The following TXNL4A variants were observed in gnomAD, a reference collection of about 807,000 sequenced individuals.
TXNL4A encodes the protein thioredoxin-like protein 4A.
A neutral mutation model predicts 14.6 loss-of-function variants in TXNL4A; 17 were observed. The observed-to-expected ratio is 1.16, with a 90% CI of 0.80 to 1.74. The LOEUF (loss-of-function observed/expected upper bound fraction) is 1.74. Among genes scored for constraint, TXNL4A ranks in the 40% most tolerant of loss-of-function variants. TXNL4A has a pLI of 0.00. For missense variants in TXNL4A, 74 were observed against 195.2 expected (o/e 0.38, Z 3.70); for synonymous variants, 83 against 70.6 (o/e 1.18, Z -0.88).
At chr18:80,027,962 C>G (rs947265945) in intron 1 of TXNL4A, among the ~76,000 whole-genome samples, 1 of 152,206 alleles carries the variant, frequency 6.6e-6, no homozygotes, top group Non-Finnish European at 1.5e-5. Flanking sequence ...CTTTATGACT[C>G]AAACTCTGTA....
rs2051589447 is a variant in TXNL4A at position 79,988,383 on chromosome 18, T to G, written c.10A>C (p.Met4Leu). MSYMLPHLHNGWQV... is the reference protein window; with the variant it reads MSYLLPHLHNGWQV... ...CAGCCGTTGTGCAGGTGCGGGAGCATGTACGACATGGCGGCCCGCGCGCTC... is the reference window on the plus strand; with the variant it reads ...CAGCCGTTGTGCAGGTGCGGGAGCAGGTACGACATGGCGGCCCGCGCGCTC... Residue 4 changes from methionine to leucine, a missense_variant, in exon 1 of 3, where the codon ATG becomes CTG. Coordinates refer to ENST00000269601, the MANE Select transcript of TXNL4A (RefSeq NM_006701.5). The G allele has an allele frequency of 6.7e-7, 1 of 1,497,370 alleles. No homozygotes were observed. Among genetic ancestry groups the G allele is most frequent in the Non-Finnish European group, 9.0e-7 (1 of 1,110,358 alleles). 92.8% of individuals were successfully genotyped at this position (1,497,370 alleles called of 1,614,324 possible). A position where few individuals can be genotyped will look rare whatever the true frequency, so the allele number is the denominator to read the frequency against.
intron 1 of TXNL4A, among the ~76,000 whole-genome samples, chr18:80,014,481 C>G (rs191152195): frequency 6.6e-6 from 1 of 152,302 alleles, no homozygotes; most frequent in East Asian, 1.9e-4. Flanking sequence ...TATTAAGGCT[C>G]CAAAATGATC....
intron 1 of TXNL4A, among the ~76,000 whole-genome samples, chr18:80,023,692 A>C (rs1239548060): frequency 6.6e-6 from 1 of 152,246 alleles, no homozygotes; most frequent in Non-Finnish European, 1.5e-5. Flanking sequence ...TGAGGGATAG[A>C]AGGGACCTTA....
chr18:80,033,019 C>T (rs1257987034), intron 1 of TXNL4A, among the ~76,000 whole-genome samples: 2 of 69,546 alleles, frequency 2.9e-5, no homozygotes, highest in Admixed American at 4.0e-4. Flanking sequence ...TCTCAATACT[C>T]CGCCCTTTCC....
At chr18:79,988,150 A>C in intron 1 of TXNL4A, 90 bp downstream of exon 1, 1 of 1,310,774 alleles carries the variant, frequency 7.6e-7, no homozygotes, top group East Asian at 3.0e-5. Flanking sequence ...CTCGGGGAAC[A>C]GCTCGCGCCC....
chr18:79,982,644 G>A lies in TXNL4A; in HGVS notation c.154-4943C>T, dbSNP rs924304188. Among the ~76,000 whole-genome samples, 2 of 152,204 alleles carry A rather than the reference G, an allele frequency of 1.3e-5. No homozygotes were observed. On this transcript the variant is annotated intron_variant, in intron 1 of 2. Coordinates refer to ENST00000269601, the MANE Select transcript of TXNL4A (RefSeq NM_006701.5). The surrounding 1 kb of genome is among the most constrained non-coding windows in gnomAD (Gnocchi z 4.0). ...TTACCAGAAAGGACGATATGGGAAC[G>A]GGGACACTGCAGGGGCTGAAGGACT...
At chr18:80,004,323 G>T (rs1487859170) in intron 1 of TXNL4A, among the ~76,000 whole-genome samples, 1 of 152,154 alleles carries the variant, frequency 6.6e-6, no homozygotes, top group East Asian at 1.9e-4. Context: ...CTCTGGGACC[G>T]TGGCTCTCAG....
At chr18:79,994,502 G>A (rs747261167) in intron 1 of TXNL4A, among the ~76,000 whole-genome samples, 5 of 150,242 alleles carry the variant, frequency 3.3e-5, no homozygotes, top group Non-Finnish European at 7.4e-5. Context: ...ACTGCCAATC[G>A]AGAACTCTCT....
At chr18:79,988,858 C>CCGATGG, upstream of TXNL4A, among the ~76,000 whole-genome samples, 3 of 152,222 alleles carry the variant, frequency 2.0e-5, no homozygotes, top group African/African-American at 7.2e-5. Context: ...CCTCCAGCCA[C>CCGATGG]GGATGGGGAC....
chr18:79,978,982 G>A (rs1285265740), intron 1 of TXNL4A, among the ~76,000 whole-genome samples: 1 of 150,770 alleles, frequency 6.6e-6, no homozygotes, highest in Non-Finnish European at 1.5e-5. Flanking sequence ...CTGTCGCCTG[G>A]TCTGGAGTGC....
intron 1 of TXNL4A, chr18:80,030,689 G>T (rs12456461): frequency 0.46 from 70,532 of 152,122 alleles, 17,133 homozygotes; most frequent in East Asian, 0.75. Flanking sequence ...CTCTTGGCCA[G>T]GCGCAGTGGC....
chr18:79,977,846 G>A, intron 1 of TXNL4A, 145 bp from the exon 2 acceptor site: 1 of 622,574 alleles, frequency 1.6e-6, no homozygotes, highest in Admixed American at 2.9e-5. Context: ...GTCTCACTCT[G>A]TCATCCTAGA....
At chr18:80,006,645 T>G (rs1280973075) in intron 1 of TXNL4A, among the ~76,000 whole-genome samples, 2 of 152,226 alleles carry the variant, frequency 1.3e-5, no homozygotes, top group Admixed American at 1.3e-4. Flanking sequence ...TGTTGCCTCA[T>G]GTCAAGGAAA....
At position 80,023,619 on chromosome 18, in the gene TXNL4A, G is replaced by A. The variant is rs565558446; in HGVS notation, c.-61+10232C>T. Among the ~76,000 whole-genome samples, 175 of 152,192 alleles carry A rather than the reference G, an allele frequency of 1.1e-3. 1 individual carries two copies. The highest frequency in any genetic ancestry group is 3.8e-3 in the African/African-American group (159 of 41,516). ...TATATGAAAGAAAAAAGAACCAAAT[G>A]GAGAGGAGGATATTCACTGAGGGTG... On this transcript the variant is annotated intron_variant, in intron 1 of 2. Coordinates refer to the TXNL4A transcript ENST00000585474.
In TXNL4A at chr18:79,977,145, G is replaced by C. The variant is rs1408687229; in HGVS notation, c.257+453C>G. 5.9e-5 allele frequency among the ~76,000 whole-genome samples: 9 copies of C among 152,120 alleles called. No homozygotes were observed. The East Asian group carries it at 1.4e-3, about 23-fold the overall frequency. ...CGGCTAATTTTGTATTTTTAGTAGA[G>C]ACTCGGTTTCACCATCTTAGCCCAG... On this transcript the variant is annotated intron_variant, in intron 2 of 2. Transcript: ENST00000269601.
intron 1 of TXNL4A, among the ~76,000 whole-genome samples, chr18:79,981,861 C>T (rs1191529221): frequency 2.0e-5 from 3 of 152,238 alleles, no homozygotes; most frequent in Admixed American, 1.3e-4. Flanking sequence ...TCACCACAGA[C>T]CAGTTTCATG....
intron 1 of TXNL4A, among the ~76,000 whole-genome samples, chr18:80,000,413 G>A (rs558485405): frequency 6.6e-6 from 1 of 152,324 alleles, no homozygotes; most frequent in Non-Finnish European, 1.5e-5. Context: ...AGACATCTGT[G>A]AAACTTTGAA....
chr18:80,011,899 A>T lies in TXNL4A; in HGVS notation c.-61+21952T>A, dbSNP rs1215957444. On this transcript the variant is annotated intron_variant, in intron 1 of 2. Transcript: ENST00000585474. The surrounding 1 kb of genome is among the most constrained non-coding windows in gnomAD (Gnocchi z 4.1). ...CACGCCTTTGCTCGAGGAAATTCAC[A>T]GAAACCGAGACTGCTAAACATCTTA... Among the ~76,000 whole-genome samples the T allele has an allele frequency of 6.6e-6, 1 of 152,174 alleles. No individual in the cohort carries two copies. Among genetic ancestry groups the T allele is most frequent in the Admixed American group, 6.5e-5 (1 of 15,278 alleles).
intron 1 of TXNL4A, among the ~76,000 whole-genome samples, chr18:79,996,441 C>T (rs959476534): frequency 6.6e-6 from 1 of 152,152 alleles, no homozygotes; most frequent in Non-Finnish European, 1.5e-5. Context: ...TAAACCTAAA[C>T]CTTAACATTT....
Sources: gnomAD v4.1 joint callset for allele counts (sites outside exome capture counted in the v4.1 genomes callset) on GRCh38, gnomAD v4.1.1 for gene constraint, Gnocchi (gnomAD v3.1) non-coding constraint, MANE v1.5 for transcripts, NCBI Gene and HGNC (gene_info 2026-07-23, HGNC 2026-07-21) for gene names.